The following HSPA2 variants were observed in gnomAD, a reference collection of about 807,000 sequenced individuals.
HSPA2 encodes the protein heat shock-related 70 kDa protein 2.
Under a neutral mutation model 35.0 loss-of-function variants are expected in HSPA2, and 13 were observed. That is an observed-to-expected ratio of 0.37 (90% CI 0.24 to 0.59). The LOEUF (loss-of-function observed/expected upper bound fraction) is 0.59, where lower values mean the gene tolerates loss of function less well. Among genes scored for constraint, HSPA2 ranks in the 20% least tolerant of loss-of-function variants. The probability of loss-of-function intolerance (pLI) is 0.70; values close to 1 mark genes in which losing one functional copy is unlikely to be tolerated. For missense variants in HSPA2, 565 were observed against 885.4 expected (o/e 0.64, Z 4.59); for synonymous variants, 368 against 382.1 (o/e 0.96, Z 0.43).
In HSPA2 at chr14:64,543,003, T is replaced by G; in HGVS notation, c.*234T>G. Reference sequence around the variant, plus strand: ...AATGCATTTTGCGTGTTTGCTGACTTGAGCATTTTTGATTAGTTCGTGCAT... The same window carrying G: ...AATGCATTTTGCGTGTTTGCTGACTGGAGCATTTTTGATTAGTTCGTGCAT... On this transcript the variant is annotated 3_prime_UTR_variant, in exon 1 of 1. Transcript: ENST00000247207. 4 of 679,224 alleles carry G rather than the reference T, an allele frequency of 5.9e-6. No individual in the cohort carries two copies. Among genetic ancestry groups the G allele is most frequent in the Non-Finnish European group, 7.3e-6 (3 of 412,122 alleles). 42.1% of individuals were successfully genotyped at this position (679,224 alleles called of 1,614,324 possible). A position where few individuals can be genotyped will look rare whatever the true frequency, so the allele number is the denominator to read the frequency against.
upstream of HSPA2, among the ~76,000 whole-genome samples, chr14:64,537,752 G>A (rs1454220614): frequency 6.2e-5 from 8 of 130,002 alleles, no homozygotes; most frequent in Non-Finnish European, 1.3e-4. Flanking sequence ...TTTTTAGACA[G>A]AGTCTTGCTC....
chr14:64,542,819 T>TC lies in HSPA2; in HGVS notation c.*50_*51insC. ...CTCTTTGCCTTTCTCTCTCTCTCTT[T>TC]TTTTTTGTTTGTTTCTTTGAAATGT... On this transcript the variant is annotated 3_prime_UTR_variant, in exon 1 of 1. Transcript: ENST00000247207. This position sits in a 1 kb window ranked among gnomAD's most constrained non-coding sequence, Gnocchi z 5.7. 6.6e-7 allele frequency: 1 copy of TC among 1,505,162 alleles called. No individual in the cohort carries two copies. The highest frequency in any genetic ancestry group is 8.9e-7 in the Non-Finnish European group (1 of 1,128,808). The allele number at this position is 1,505,162 out of a possible 1,614,324, so 93.2% of individuals were successfully genotyped here. A position where few individuals can be genotyped will look rare whatever the true frequency, so the allele number is the denominator to read the frequency against.
At position 64,541,844 on chromosome 14, in the gene HSPA2, G is replaced by T; in HGVS notation, c.995G>T (p.Gly332Val). The stretch of plus-strand genomic sequence containing the variant: ...CTGCGCGACGCCAAGCTGGACAAGG[G>T]CCAGATCCAGGAGATCGTGCTGGTG... ...KALRDAKLDKGQIQEIVLVGG... is the reference protein window; with the variant it reads ...KALRDAKLDKVQIQEIVLVGG... Residue 332 changes from glycine (G) to valine (V), a missense_variant, in exon 1 of 1, where the codon GGC (glycine) becomes GTC (valine). Around this residue, in one of 4 missense-constraint regions of HSPA2, gnomAD observed 234 missense variants for 419.0 expected, o/e 0.56. Coordinates refer to ENST00000247207, the MANE Select transcript of HSPA2 (RefSeq NM_021979.4). 6.2e-7 allele frequency: 1 copy of T among 1,613,668 alleles called. No homozygotes were observed. Among genetic ancestry groups the T allele is most frequent in the Non-Finnish European group, 8.5e-7 (1 of 1,180,048 alleles).
At chr14:64,538,523 T>C (rs905020888), upstream of HSPA2, among the ~76,000 whole-genome samples, 2 of 152,238 alleles carry the variant, frequency 1.3e-5, no homozygotes, top group African/African-American at 4.8e-5. Context: ...ATGTAAAGAA[T>C]GGCTTTCCTA....
At position 64,542,677 on chromosome 14, in the gene HSPA2, A is replaced by T; in HGVS notation, c.1828A>T (p.Ile610Phe). Residue 610 changes from isoleucine to phenylalanine, a missense_variant, in exon 1 of 1, where the codon ATC (isoleucine) becomes TTC (phenylalanine). Coordinates refer to ENST00000247207, the MANE Select transcript of HSPA2 (RefSeq NM_021979.4). The surrounding 1 kb of genome is among the most constrained non-coding windows in gnomAD (Gnocchi z 5.7). The stretch of plus-strand genomic sequence containing the variant: ...GCTCGAAAGAGTTTGCAACCCCATC[A>T]TCAGCAAACTTTACCAAGGTGGTCC... The part of the protein sequence containing the change: ...KELERVCNPI[I>F]SKLYQGGPGG... 1 of 1,614,080 alleles carries T rather than the reference A, an allele frequency of 6.2e-7. No homozygotes were observed. Among genetic ancestry groups the T allele is most frequent in the Non-Finnish European group, 8.5e-7 (1 of 1,180,030 alleles).
upstream of HSPA2, among the ~76,000 whole-genome samples, chr14:64,538,872 C>G (rs45458795): frequency 0.012 from 1,767 of 152,344 alleles, 34 homozygotes; most frequent in African/African-American, 0.04. Context: ...GAGTCTCGTT[C>G]TGTCGCCCAG....
Position 64,542,641 on chromosome 14 carries a change from A to T in HSPA2, c.1792A>T (p.Lys598Ter), listed in dbSNP as rs764549711. The T allele has an allele frequency of 6.2e-7, 1 of 1,613,852 alleles. No individual in the cohort carries two copies. The highest frequency in any genetic ancestry group is 1.1e-5 in the South Asian group (1 of 91,080). ...QMAEKDEYEH[K>*]QKELERVCNP... ...GGCAGAGAAAGATGAGTATGAACAC[A>T]AGCAGAAAGAGCTCGAAAGAGTTTG... The change falls in exon 1 of 1, where the codon AAG becomes TAG. Residue 598 changes from lysine to a stop codon, truncating the protein, a stop_gained. Coordinates refer to ENST00000247207, the MANE Select transcript of HSPA2 (RefSeq NM_021979.4). LOFTEE classifies it high-confidence loss of function. This position sits in a 1 kb window ranked among gnomAD's most constrained non-coding sequence, Gnocchi z 5.7.
chr14:64,539,913 G>C (rs375979709), upstream of HSPA2, among the ~76,000 whole-genome samples: 2 of 152,060 alleles, frequency 1.3e-5, no homozygotes, highest in Non-Finnish European at 2.9e-5. Context: ...ATGTCTTAAC[G>C]TCGTGATCCG....
At chr14:64,536,597 C>T (rs1399993118), upstream of HSPA2, among the ~76,000 whole-genome samples, 6 of 152,006 alleles carry the variant, frequency 3.9e-5, no homozygotes, top group Admixed American at 3.3e-4. Flanking sequence ...TCCATCTCTA[C>T]AAAAATACAA....
chr14:64,539,426 A>C (rs1255820147), upstream of HSPA2, among the ~76,000 whole-genome samples: 1 of 152,204 alleles, frequency 6.6e-6, no homozygotes, highest in East Asian at 1.9e-4. Flanking sequence ...CCAGTCAAAA[A>C]CTCAAAGCAG....
chr14:64,542,248 A>T lies in HSPA2; in HGVS notation c.1399A>T (p.Ile467Phe). ...GCTGGGCAAGTTCGACCTGACCGGGATTCCCCCTGCGCCTCGCGGGGTCCC... is the reference window on the plus strand; with the variant it reads ...GCTGGGCAAGTTCGACCTGACCGGGTTTCCCCCTGCGCCTCGCGGGGTCCC... ...NLLGKFDLTGIPPAPRGVPQI... is the reference protein window; with the variant it reads ...NLLGKFDLTGFPPAPRGVPQI... The change falls in exon 1 of 1, where the codon ATT becomes TTT. Residue 467 changes from isoleucine (I) to phenylalanine (F), a missense_variant. By Grantham distance (21) the Ile-to-Phe change is conservative. Coordinates refer to ENST00000247207, the MANE Select transcript of HSPA2 (RefSeq NM_021979.4). This position sits in a 1 kb window ranked among gnomAD's most constrained non-coding sequence, Gnocchi z 5.7. 1 of 1,614,010 alleles carries T rather than the reference A, an allele frequency of 6.2e-7. No homozygotes were observed.
upstream of HSPA2, chr14:64,540,318 G>T (rs887214446): frequency 2.2e-5 from 4 of 178,154 alleles, no homozygotes; most frequent in South Asian, 1.1e-4. Context: ...TCTCCTCACC[G>T]GGATCCCCTT....
Position 64,541,428 on chromosome 14 carries a change from C to A in HSPA2, c.579C>A (p.Gly193=). 6.2e-7 allele frequency: 1 copy of A among 1,613,554 alleles called. No homozygotes were observed. Among genetic ancestry groups the A allele is most frequent in the Non-Finnish European group, 8.5e-7 (1 of 1,179,832 alleles). ...AYGLDKKGCA[G]GEKNVLIFDL... is the part of the protein sequence containing the mutation. ...GCCTGGACAAGAAGGGCTGCGCGGG[C>A]GGCGAGAAGAACGTGCTCATCTTTG... The change falls in exon 1 of 1, where the codon GGC becomes GGA. Residue 193 remains glycine, a synonymous_variant. Coordinates refer to ENST00000247207, the MANE Select transcript of HSPA2 (RefSeq NM_021979.4).
rs1241758510 is a variant in HSPA2 at position 64,541,817 on chromosome 14, C to A, written c.968C>A (p.Ala323Glu). ...FRGTLEPVEKALRDAKLDKGQ... is the reference protein window; with the variant it reads ...FRGTLEPVEKELRDAKLDKGQ... The stretch of plus-strand genomic sequence containing the variant: ...GGGACCCTGGAGCCGGTGGAGAAGG[C>A]GCTGCGCGACGCCAAGCTGGACAAG... Residue 323 changes from alanine (A) to glutamate (E), a missense_variant, in exon 1 of 1, where the codon GCG (alanine) becomes GAG (glutamate). By Grantham distance (107) the Ala-to-Glu change is moderately radical. Around this residue, in one of 4 missense-constraint regions of HSPA2, gnomAD observed 234 missense variants for 419.0 expected, o/e 0.56. Coordinates refer to ENST00000247207, the MANE Select transcript of HSPA2 (RefSeq NM_021979.4). 6.2e-7 allele frequency: 1 copy of A among 1,613,576 alleles called. No homozygotes were observed. The highest frequency in any genetic ancestry group is 2.2e-5 in the East Asian group (1 of 44,850).
chr14:64,539,353 C>A (rs1292441813), upstream of HSPA2, among the ~76,000 whole-genome samples: 6 of 151,972 alleles, frequency 3.9e-5, no homozygotes, highest in Admixed American at 3.9e-4. Flanking sequence ...CCAGGGTGAC[C>A]GAGACTGGGT....
upstream of HSPA2, among the ~76,000 whole-genome samples, chr14:64,537,849 C>T (rs910946738): frequency 2.6e-5 from 4 of 151,816 alleles, no homozygotes; most frequent in South Asian, 8.3e-4. Context: ...GCCTCAGCCT[C>T]CCAAGTAGCT....
chr14:64,539,576 G>C (rs890454632), upstream of HSPA2, among the ~76,000 whole-genome samples: 79 of 152,234 alleles, frequency 5.2e-4, no homozygotes, highest in Admixed American at 3.0e-3. Context: ...AGGACAAGTC[G>C]CCGCCACACC....
At chr14:64,540,398 C>T (rs45467597), upstream of HSPA2, 831 of 220,986 alleles carry the variant, frequency 3.8e-3, 9 homozygotes, top group African/African-American at 0.018. Flanking sequence ...CAATCCGATG[C>T]ACGTCGGCTA....
In HSPA2 at chr14:64,542,368, A is replaced by G; in HGVS notation, c.1519A>G (p.Thr507Ala). The change falls in exon 1 of 1, where the codon ACC (threonine) becomes GCC (alanine). Residue 507 changes from threonine to alanine, a missense_variant. Physicochemically the swap from Thr to Ala is moderately conservative, Grantham distance 58 (BLOSUM62 0). Coordinates refer to ENST00000247207, the MANE Select transcript of HSPA2 (RefSeq NM_021979.4). This position sits in a 1 kb window ranked among gnomAD's most constrained non-coding sequence, Gnocchi z 5.7. ...CGGTAAGGAAAACAAAATCACCATC[A>G]CCAATGACAAAGGTCGTCTGAGCAA... ...STGKENKITI[T>A]NDKGRLSKDD... is the part of the protein sequence containing the mutation. 1.2e-6 allele frequency: 2 copies of G among 1,613,714 alleles called. No individual in the cohort carries two copies. Among genetic ancestry groups the G allele is most frequent in the Non-Finnish European group, 1.7e-6 (2 of 1,179,896 alleles).
Sources: gnomAD v4.1 joint callset for allele counts (sites outside exome capture counted in the v4.1 genomes callset) on GRCh38, gnomAD v4.1.1 for gene constraint, gnomAD v4.1.1 regional missense constraint, Gnocchi (gnomAD v3.1) non-coding constraint, MANE v1.5 for transcripts, NCBI Gene and HGNC (gene_info 2026-07-23, HGNC 2026-07-21) for gene names.